Variants in EGFL6 observed in about 807,000 individuals in gnomAD.
EGFL6 encodes the protein epidermal growth factor-like protein 6.
EGFL6 carries 42 observed loss-of-function variants against 43.1 expected under a neutral mutation model. The ratio of observed to expected loss-of-function variants is 0.98; its 90% CI spans 0.76 to 1.26. The LOEUF (loss-of-function observed/expected upper bound fraction) is 1.26, where lower values mean the gene tolerates loss of function less well. Among genes scored for constraint, EGFL6 ranks in the 50% most tolerant of loss-of-function variants. EGFL6 has a pLI of 0.00. For synonymous variants in EGFL6, 164 were observed against 163.2 expected, an observed-to-expected ratio of 1.01 and a Z score of -0.04; for missense variants, 429 against 427.8, an observed-to-expected ratio of 1.00 and a Z score of -0.02.
At chrX:13,593,632 G>A (rs983156581) in intron 2 of EGFL6, among the ~76,000 whole-genome samples, 1 of 111,932 alleles carries the variant, frequency 8.9e-6, no homozygotes, top group Non-Finnish European at 1.9e-5. Flanking sequence ...AGCAGGGAGA[G>A]GGATTCAGCA....
chrX:13,623,654 T>C (rs2045762577), intron 9 of EGFL6, among the ~76,000 whole-genome samples, 170 bp from the exon 10 acceptor site: 1 of 109,244 alleles, frequency 9.2e-6, no homozygotes, highest in South Asian at 4.0e-4. Flanking sequence ...TTTTTTAAGA[T>C]CACAACTGAA....
chrX:13,617,532 G>C (rs2045725371), intron 7 of EGFL6, among the ~76,000 whole-genome samples, 198 bp from the exon 8 acceptor site: 2 of 112,246 alleles, frequency 1.8e-5, no homozygotes, highest in South Asian at 3.7e-4. Flanking sequence ...AGGTAATTAA[G>C]ATAACTACCA....
At chrX:13,571,199 C>T (rs1487403740) in intron 1 of EGFL6, among the ~76,000 whole-genome samples, 4 of 105,124 alleles carry the variant, frequency 3.8e-5, no homozygotes, top group Non-Finnish European at 7.7e-5. Context: ...TTGCTCCTAG[C>T]GGAGACTGCT....
chrX:13,594,953 A>T lies in EGFL6; in HGVS notation c.280+25A>T. ...GGTCAGTAAGGTAGCCCAGGGTCATAGTTCAAATTCAATCATTGCAGCAGG... is the reference window on the plus strand; with the variant it reads ...GGTCAGTAAGGTAGCCCAGGGTCATTGTTCAAATTCAATCATTGCAGCAGG... On this transcript the variant is annotated intron_variant, in intron 3 of 11. Coordinates refer to ENST00000361306, the MANE Select transcript of EGFL6 (RefSeq NM_015507.4). 2.6e-6 allele frequency: 3 copies of T among 1,137,437 alleles called. No individual in the cohort carries two copies. The Admixed American group carries it at 6.6e-5, about 25-fold the overall frequency. 93.7% of individuals were successfully genotyped at this position (1,137,437 alleles called of 1,213,427 possible). A position where few individuals can be genotyped will look rare whatever the true frequency, so the allele number is the denominator to read the frequency against.
In EGFL6 at chrX:13,632,999, A is replaced by G; in HGVS notation, c.1566A>G (p.Ala522=). 1.7e-6 allele frequency: 2 copies of G among 1,208,524 alleles called. No individual in the cohort carries two copies. Among genetic ancestry groups the G allele is most frequent in the Non-Finnish European group, 2.2e-6 (2 of 894,351 alleles). The change falls in exon 12 of 12, where the codon GCA becomes GCG. Residue 522 remains alanine, a synonymous_variant. Transcript: ENST00000361306. ...TCCATTATTAGATCATTTTTGAAGC[A>G]GAACGTGGCAAGGGCAAAACCGGCG... ...TDATKSIIFE[A]ERGKGKTGEI...
intron 2 of EGFL6, among the ~76,000 whole-genome samples, chrX:13,592,699 A>T (rs1354975632): frequency 4.5e-5 from 5 of 110,210 alleles, no homozygotes. Context: ...AAAGGCTTTT[A>T]GAAGAAGGGG....
intron 1 of EGFL6, among the ~76,000 whole-genome samples, chrX:13,579,117 C>T (rs1169851455): frequency 9.1e-6 from 1 of 109,978 alleles, no homozygotes; most frequent in Non-Finnish European, 1.9e-5. Flanking sequence ...ATTTTAGGTT[C>T]AGGGGTACCT....
At chrX:13,596,390 A>G (rs1485584406) in intron 3 of EGFL6, 1 of 111,479 alleles carries the variant, frequency 9.0e-6, no homozygotes, top group Non-Finnish European at 1.9e-5. Context: ...GAGGACGACC[A>G]TCCCCGATAG....
At chrX:13,575,667 G>A (rs147281893) in intron 1 of EGFL6, among the ~76,000 whole-genome samples, 13 of 111,992 alleles carry the variant, frequency 1.2e-4, no homozygotes, top group African/African-American at 3.9e-4. Flanking sequence ...GATAGAAACC[G>A]CATAGGATCA....
intron 10 of EGFL6, chrX:13,625,231 A>C (rs2045771784): frequency 9.0e-6 from 1 of 111,211 alleles, no homozygotes; most frequent in Admixed American, 9.6e-5. Flanking sequence ...CTCCTCCTGC[A>C]CCTCCATTGG....
chrX:13,576,626 A>T (rs1054199268), intron 1 of EGFL6, among the ~76,000 whole-genome samples: 1 of 111,816 alleles, frequency 8.9e-6, no homozygotes, highest in Admixed American at 9.5e-5. Flanking sequence ...TGGGAAATGT[A>T]GTCTATATTC....
Position 13,573,466 on chromosome X carries a change from A to G in EGFL6, c.74+3531A>G, listed in dbSNP as rs2045453901. Among the ~76,000 whole-genome samples the G allele has an allele frequency of 2.7e-5, 3 of 112,348 alleles. No individual in the cohort carries two copies. The Admixed American group carries it at 2.8e-4, about 11-fold the overall frequency. On this transcript the variant is annotated intron_variant, in intron 1 of 11. Coordinates refer to ENST00000361306, the MANE Select transcript of EGFL6 (RefSeq NM_015507.4). ...AATCATTTCTGGGCAGCCTTATTTC[A>G]ATAGTTAGTTTCACTGGCTTAGAAA...
At chrX:13,605,093 A>G (rs1442884172) in intron 5 of EGFL6, among the ~76,000 whole-genome samples, 1 of 111,904 alleles carries the variant, frequency 8.9e-6, no homozygotes, top group East Asian at 2.8e-4. Flanking sequence ...TTATTGACCA[A>G]ACTGAATCCA....
intron 7 of EGFL6, among the ~76,000 whole-genome samples, chrX:13,615,232 G>A (rs2045712227): frequency 1.8e-5 from 2 of 112,557 alleles, no homozygotes; most frequent in South Asian, 7.3e-4. Flanking sequence ...CATACTAAGA[G>A]AATGAAATTG....
chrX:13,600,795 G>GAA (rs200826067), intron 4 of EGFL6, among the ~76,000 whole-genome samples: 3 of 101,028 alleles, frequency 3.0e-5, no homozygotes, highest in African/African-American at 1.1e-4. Context: ...TGTAATCTCA[G>GAA]AAAGAAAAAA....
At chrX:13,611,301 C>A (rs536974293) in intron 7 of EGFL6, among the ~76,000 whole-genome samples, 98 of 111,830 alleles carry the variant, frequency 8.8e-4, no homozygotes, top group African/African-American at 3.0e-3. Flanking sequence ...CATTAAAGTT[C>A]GCTGTGATTG....
chrX:13,570,012 G>A (rs1230588783), intron 1 of EGFL6, 77 bp downstream of exon 1: 3 of 952,774 alleles, frequency 3.1e-6, no homozygotes, highest in African/African-American at 3.8e-5. Context: ...GTCTTTGCAG[G>A]CACCCCCGCG....
At chrX:13,580,871 A>C (rs1184591841) in intron 1 of EGFL6, among the ~76,000 whole-genome samples, 1 of 112,049 alleles carries the variant, frequency 8.9e-6, no homozygotes, top group Non-Finnish European at 1.9e-5. Flanking sequence ...CTCTAACTCC[A>C]TCTTCCATCT....
chrX:13,600,129 G>A (rs761097648), intron 4 of EGFL6, 35 bp downstream of exon 4: 1 of 1,189,538 alleles, frequency 8.4e-7, no homozygotes, highest in Non-Finnish European at 1.1e-6. Flanking sequence ...CTCAGTCAAT[G>A]TTTAAGGCTT....
Sources: gnomAD v4.1 joint callset for allele counts (sites outside exome capture counted in the v4.1 genomes callset) on GRCh38, gnomAD v4.1.1 for gene constraint, MANE v1.5 for transcripts, NCBI Gene and HGNC (gene_info 2026-07-23, HGNC 2026-07-21) for gene names.